COL23A1: variants seen among roughly 807,000 people sequenced by gnomAD.
COL23A1 encodes the protein collagen type XXIII alpha 1 chain.
Under a neutral mutation model 99.3 loss-of-function variants are expected in COL23A1, and 97 were observed. The ratio of observed to expected loss-of-function variants is 0.98; its 90% CI spans 0.83 to 1.16. The LOEUF is 1.16. Ranked by LOEUF, COL23A1 falls within the 50% of genes most tolerant of loss-of-function variation. The probability of loss-of-function intolerance (pLI) is 0.00; values close to 1 mark genes in which losing one functional copy is unlikely to be tolerated. For synonymous variants in COL23A1, 320 were observed against 308.2 expected (o/e 1.04, Z -0.40); for missense variants, 762 against 757.4 (o/e 1.01, Z -0.07).
chr5:178,246,053 G>T, intron 24 of COL23A1, 85 bp from the exon 25 acceptor site: 1 of 1,511,744 alleles, frequency 6.6e-7, no homozygotes. Context: ...CTGTGGGTTG[G>T]CCACAGACAT....
At chr5:178,258,913 C>CT (rs35156759) in intron 12 of COL23A1, among the ~76,000 whole-genome samples, 12,463 of 117,574 alleles carry the variant, frequency 0.11, 1,040 homozygotes, top group African/African-American at 0.19. Flanking sequence ...CCAGGGTGGT[C>CT]TTTTTTTTTT....
chr5:178,533,842 T>G (rs632346), intron 2 of COL23A1, among the ~76,000 whole-genome samples: 74,252 of 152,064 alleles, frequency 0.49, 18,801 homozygotes, highest in Non-Finnish European at 0.57. Flanking sequence ...TGAAGGAATA[T>G]ATAATATATA....
chr5:178,573,885 G>A (rs749035235), intron 1 of COL23A1, among the ~76,000 whole-genome samples: 1 of 151,560 alleles, frequency 6.6e-6, no homozygotes, highest in Non-Finnish European at 1.5e-5. Context: ...TTGAGACAGA[G>A]TCTCGCTCTG....
chr5:178,536,116 G>A (rs908984327), intron 2 of COL23A1, among the ~76,000 whole-genome samples: 1 of 152,264 alleles, frequency 6.6e-6, no homozygotes, highest in Non-Finnish European at 1.5e-5. Flanking sequence ...CAGCCACTAC[G>A]GAGGATGGGC....
chr5:178,355,338 T>C (rs1046743929), intron 2 of COL23A1, among the ~76,000 whole-genome samples: 1 of 152,024 alleles, frequency 6.6e-6, no homozygotes, highest in African/African-American at 2.4e-5. Flanking sequence ...GCAGTCCAGA[T>C]TTGGGTATCT....
chr5:178,353,399 A>G (rs931469328), intron 2 of COL23A1, among the ~76,000 whole-genome samples: 3 of 152,248 alleles, frequency 2.0e-5, no homozygotes, highest in Non-Finnish European at 2.9e-5. Flanking sequence ...AACCCCCCAA[A>G]GTAGTTAAAA....
At chr5:178,521,679 G>C (rs1759954564) in intron 2 of COL23A1, among the ~76,000 whole-genome samples, 1 of 152,172 alleles carries the variant, frequency 6.6e-6, no homozygotes, top group Admixed American at 6.6e-5. Flanking sequence ...GCCATGAAAA[G>C]GAATGAAGCA....
chr5:178,369,745 G>GCC (rs34903668), intron 2 of COL23A1, among the ~76,000 whole-genome samples: 18 of 151,990 alleles, frequency 1.2e-4, no homozygotes, highest in African/African-American at 2.4e-4. Context: ...TGATTGTAAG[G>GCC]CCCCCCCAGC....
Position 178,448,439 on chromosome 5 carries a change from C to T in COL23A1, c.361+112243G>A, listed in dbSNP as rs144915146. 1.3e-4 allele frequency among the ~76,000 whole-genome samples: 19 copies of T among 151,530 alleles called. 1 individual carries two copies. Among genetic ancestry groups the T allele is most frequent in the African/African-American group, 4.4e-4 (18 of 41,212 alleles). Reference sequence around the variant, plus strand: ...TCCGTTTTGTTCTGTTAGTGCTAGTCGCAGTCCGTTTTGTTCTGCCATAAC... The same window carrying T: ...TCCGTTTTGTTCTGTTAGTGCTAGTTGCAGTCCGTTTTGTTCTGCCATAAC... On this transcript the variant is annotated intron_variant, in intron 2 of 28. Coordinates refer to ENST00000390654, the MANE Select transcript of COL23A1 (RefSeq NM_173465.4).
rs930441801 is a variant in COL23A1 at position 178,379,189 on chromosome 5, T to C, written c.362-72270A>G. On this transcript the variant is annotated intron_variant, in intron 2 of 28. Coordinates refer to ENST00000390654, the MANE Select transcript of COL23A1 (RefSeq NM_173465.4). ...AAATTATTGTGTATCTATGAGACAA[T>C]TAAAAAAAACAAACAAACCAGAAAG... Among the ~76,000 whole-genome samples the C allele has an allele frequency of 1.1e-4, 16 of 151,644 alleles. 1 individual carries two copies. Among genetic ancestry groups the C allele is most frequent in the African/African-American group, 3.2e-4 (13 of 41,122 alleles).
intron 2 of COL23A1, among the ~76,000 whole-genome samples, chr5:178,529,203 G>C (rs943679520): frequency 6.6e-6 from 1 of 152,232 alleles, no homozygotes; most frequent in Admixed American, 6.5e-5. Context: ...CTTTACGTCT[G>C]GGTGGCTGGA....
intron 27 of COL23A1, among the ~76,000 whole-genome samples, chr5:178,239,903 G>A (rs943131883): frequency 1.3e-5 from 2 of 152,142 alleles, no homozygotes; most frequent in East Asian, 1.9e-4. Context: ...GCTGAGAGCC[G>A]TGTGGCTTCC....
chr5:178,367,050 G>C (rs1434605632), intron 2 of COL23A1, among the ~76,000 whole-genome samples: 1 of 152,216 alleles, frequency 6.6e-6, no homozygotes, highest in African/African-American at 2.4e-5. Flanking sequence ...CTCTTCTCTG[G>C]TTGGGTTTTG....
At chr5:178,277,901 C>T (rs1052400010) in intron 5 of COL23A1, among the ~76,000 whole-genome samples, 7 of 152,138 alleles carry the variant, frequency 4.6e-5, no homozygotes, top group African/African-American at 1.7e-4. Context: ...GAGCTTGACC[C>T]CCGTGGGGTG....
intron 2 of COL23A1, among the ~76,000 whole-genome samples, chr5:178,514,340 C>T (rs563598746): frequency 2.6e-5 from 4 of 152,332 alleles, no homozygotes; most frequent in South Asian, 2.1e-4. Flanking sequence ...GCTGCTCCCA[C>T]GTCTTGGCGA....
chr5:178,274,107 G>C (rs1005788173), intron 5 of COL23A1, among the ~76,000 whole-genome samples: 1 of 152,270 alleles, frequency 6.6e-6, no homozygotes, highest in African/African-American at 2.4e-5. Flanking sequence ...ACACTCTGCG[G>C]AACAGGTTTC....
intron 2 of COL23A1, among the ~76,000 whole-genome samples, chr5:178,348,827 C>A (rs1761135389): frequency 6.6e-6 from 1 of 152,206 alleles, no homozygotes; most frequent in Non-Finnish European, 1.5e-5. Flanking sequence ...TGAGGCCCAG[C>A]CACTCTCTGC....
intron 2 of COL23A1, among the ~76,000 whole-genome samples, chr5:178,559,555 G>C (rs1196772886): frequency 7.3e-6 from 1 of 136,564 alleles, no homozygotes; most frequent in African/African-American, 3.0e-5. Flanking sequence ...CCTGCACGTC[G>C]AGAAGTCTGA....
intron 2 of COL23A1, among the ~76,000 whole-genome samples, chr5:178,419,917 G>A (rs1179493617): frequency 6.6e-6 from 1 of 152,178 alleles, no homozygotes; most frequent in Non-Finnish European, 1.5e-5. Context: ...TCTGATTCCT[G>A]TGTGTCACTT....
Sources: gnomAD v4.1 joint callset for allele counts (sites outside exome capture counted in the v4.1 genomes callset) on GRCh38, gnomAD v4.1.1 for gene constraint, MANE v1.5 for transcripts, NCBI Gene and HGNC (gene_info 2026-07-23, HGNC 2026-07-21) for gene names.